RCC2: variants seen among roughly 807,000 people sequenced by gnomAD.
RCC2 encodes the protein protein RCC2.
RCC2 carries 19 observed loss-of-function variants against 64.1 expected under a neutral mutation model. That is an observed-to-expected ratio of 0.30 (90% CI 0.21 to 0.44). The LOEUF (loss-of-function observed/expected upper bound fraction) is 0.44, where lower values mean the gene tolerates loss of function less well. Ranked by LOEUF, RCC2 falls within the 20% of genes least tolerant of loss-of-function variation. The probability of loss-of-function intolerance (pLI) is 1.00; values close to 1 mark genes in which losing one functional copy is unlikely to be tolerated. For missense variants in RCC2, 508 were observed against 710.4 expected (o/e 0.72, Z 3.24); for synonymous variants, 325 against 279.6 (o/e 1.16, Z -1.62).
intron 2 of RCC2, among the ~76,000 whole-genome samples, chr1:17,430,067 G>A (rs2075659362): frequency 2.0e-5 from 3 of 152,226 alleles, no homozygotes; most frequent in Admixed American, 2.0e-4. Flanking sequence ...TTTCAAGTAG[G>A]TTGTTAGTGG....
intron 2 of RCC2, among the ~76,000 whole-genome samples, chr1:17,429,807 G>C (rs750678103): frequency 1.3e-5 from 2 of 152,194 alleles, no homozygotes; most frequent in African/African-American, 4.8e-5. Flanking sequence ...TCATGCCGCT[G>C]TCCATGAGCC....
At chr1:17,436,513 A>T (rs2075737116) in intron 2 of RCC2, among the ~76,000 whole-genome samples, 1 of 152,234 alleles carries the variant, frequency 6.6e-6, no homozygotes, top group African/African-American at 2.4e-5. Context: ...CCTCAAAAAA[A>T]AAAGACTAAC....
At chr1:17,412,237 A>G in intron 10 of RCC2, 43 bp from the exon 11 acceptor site, 2 of 1,584,948 alleles carry the variant, frequency 1.3e-6, no homozygotes, top group Non-Finnish European at 1.7e-6. Context: ...GCAGCCCCAG[A>G]CCTGCACCCA....
chr1:17,414,538 AAAAC>A (rs1232512668), intron 8 of RCC2, among the ~76,000 whole-genome samples: 172 of 150,044 alleles, frequency 1.1e-3, no homozygotes, highest in African/African-American at 4.0e-3. Context: ...TCAAAAAAAA[AAAAC>A]AAAACGAAAC....
intron 2 of RCC2, among the ~76,000 whole-genome samples, chr1:17,431,359 A>ATAAAAATATATATATATATAT (rs1265674393): frequency 0.033 from 1,464 of 44,922 alleles, 150 homozygotes; most frequent in African/African-American, 0.062. Flanking sequence ...AAAAAAAAAA[A>ATAAAAATATATATATATATAT]ATATATATAT....
intron 11 of RCC2, 57 bp from the exon 12 acceptor site, chr1:17,410,108 T>C (rs1198667598): frequency 1.4e-5 from 21 of 1,494,920 alleles, no homozygotes; most frequent in Non-Finnish European, 1.9e-5. Context: ...AGTCCACAAG[T>C]GGGGAATCAC....
In RCC2 at chr1:17,416,546, T is replaced by C; in HGVS notation, c.960A>G (p.Lys320=). The part of the protein sequence containing the change: ...RRVAIFIEKT[K]DGQILPVPNV... ...TTGGTACAGGCAGAATCTGTCCATC[T>C]TTCGTCTTCTCAATGAAGATGGCCA... Residue 320 remains lysine (K), a synonymous_variant, in exon 8 of 13, where the codon AAA becomes AAG. Transcript: ENST00000375436. 6.2e-6 allele frequency: 10 copies of C among 1,614,038 alleles called. No individual in the cohort carries two copies. Among genetic ancestry groups the C allele is most frequent in the Non-Finnish European group, 8.5e-6 (10 of 1,180,040 alleles).
At position 17,438,563 on chromosome 1, in the gene RCC2, T is replaced by C. The variant is rs749038725; in HGVS notation, c.-8-41A>G. 3.9e-6 allele frequency: 5 copies of C among 1,287,818 alleles called. No individual in the cohort carries two copies. In the South Asian group the frequency reaches 1.2e-4, roughly 31 times the overall value. 79.8% of individuals were successfully genotyped at this position (1,287,818 alleles called of 1,614,324 possible). On this transcript the variant is annotated intron_variant, in intron 1 of 12. Coordinates refer to ENST00000375436, the MANE Select transcript of RCC2 (RefSeq NM_018715.4). ...GGGCAGCGGCGCACAATGGACGGGT[T>C]ATAAACTGCGCGGGGGGAGGGGAGC...
At chr1:17,423,629 A>G (rs77647525) in intron 4 of RCC2, among the ~76,000 whole-genome samples, 1 of 152,320 alleles carries the variant, frequency 6.6e-6, no homozygotes, top group African/African-American at 2.4e-5. Flanking sequence ...GAGCCCCTAC[A>G]CCGCATCTAG....
chr1:17,437,996 C>T (rs2075757792), intron 2 of RCC2, among the ~76,000 whole-genome samples: 1 of 146,424 alleles, frequency 6.8e-6, no homozygotes, highest in Admixed American at 6.8e-5. Flanking sequence ...GCCCCAACCG[C>T]CAACCGCCCG....
intron 7 of RCC2, among the ~76,000 whole-genome samples, chr1:17,420,067 G>A (rs1159081113): frequency 2.0e-5 from 3 of 152,214 alleles, no homozygotes; most frequent in Admixed American, 1.3e-4. Context: ...CTCCCCAGAG[G>A]GGCTGGAGTG....
At chr1:17,424,863 T>C (rs1276818001) in intron 4 of RCC2, among the ~76,000 whole-genome samples, 1 of 152,040 alleles carries the variant, frequency 6.6e-6, no homozygotes, top group Non-Finnish European at 1.5e-5. Context: ...CGGGCAGGAA[T>C]GGGCCGGCCG....
intron 7 of RCC2, among the ~76,000 whole-genome samples, chr1:17,420,175 C>G (rs984962170): frequency 6.6e-6 from 1 of 152,292 alleles, no homozygotes; most frequent in Non-Finnish European, 1.5e-5. Flanking sequence ...ACACTCCCCC[C>G]ACTAACTGAG....
At position 17,408,733 on chromosome 1, in the gene RCC2, T is replaced by TA. The variant is rs1302272637; in HGVS notation, c.*356dup. 5.1e-6 allele frequency: 1 copy of TA among 194,640 alleles called. No homozygotes were observed. The highest frequency in any genetic ancestry group is 2.4e-5 in the African/African-American group (1 of 42,110). 12.1% of individuals were successfully genotyped at this position (194,640 alleles called of 1,614,324 possible). A position where few individuals can be genotyped will look rare whatever the true frequency, so the allele number is the denominator to read the frequency against. ...TCTGCTTGGATCACGATGCTAATTG[T>TA]AACTGGAAAGGGGTGTTTTGGGGAG... is the stretch of plus-strand genomic sequence containing the variant. On this transcript the variant is annotated 3_prime_UTR_variant, in exon 13 of 13. Coordinates refer to ENST00000375436, the MANE Select transcript of RCC2 (RefSeq NM_018715.4).
At chr1:17,429,745 C>A (rs976848830) in intron 2 of RCC2, among the ~76,000 whole-genome samples, 6 of 152,184 alleles carry the variant, frequency 3.9e-5, no homozygotes, top group African/African-American at 1.2e-4. Flanking sequence ...AGGCAGAACA[C>A]AGCTTTGGTG....
intron 7 of RCC2, 117 bp downstream of exon 7, chr1:17,420,597 C>CTAT: frequency 1.7e-6 from 1 of 585,924 alleles, no homozygotes; most frequent in Non-Finnish European, 2.9e-6. Context: ...CGGACAAAGG[C>CTAT]TATTATCTGA....
At chr1:17,419,640 A>C (rs1207476297) in intron 7 of RCC2, among the ~76,000 whole-genome samples, 1 of 152,236 alleles carries the variant, frequency 6.6e-6, no homozygotes, top group African/African-American at 2.4e-5. Flanking sequence ...GGTGCCTGGC[A>C]CACACAGTCA....
rs2075457343 is a variant in RCC2, at chr1:17,414,293, G to A, written c.1027-576C>T. Reference sequence around the variant, plus strand: ...GCCTGTAATCCTAGCACGTTGGGAGGCTGAGGCAGGTGGATTGCCTGAACT... The same window carrying A: ...GCCTGTAATCCTAGCACGTTGGGAGACTGAGGCAGGTGGATTGCCTGAACT... On this transcript the variant is annotated intron_variant, in intron 8 of 12. Transcript: ENST00000375436. Among the ~76,000 whole-genome samples the A allele has an allele frequency of 2.6e-5, 4 of 152,168 alleles. No individual in the cohort carries two copies. In the South Asian group the frequency reaches 8.3e-4, roughly 31 times the overall value.
rs142747997 is a variant in RCC2 at position 17,432,132 on chromosome 1, C to T, written c.286-2933G>A. Among the ~76,000 whole-genome samples the T allele has an allele frequency of 1.6e-4, 24 of 152,152 alleles. 1 individual carries two copies. The highest frequency in any genetic ancestry group is 8.3e-4 in the South Asian group (4 of 4,814). On this transcript the variant is annotated intron_variant, in intron 2 of 12. Transcript: ENST00000375436. Reference sequence around the variant, plus strand: ...TTGGGGGGAGGGAAGTGAAACAACACGGAAAGGGAGAACAACTTTGGTTCA... The same window carrying T: ...TTGGGGGGAGGGAAGTGAAACAACATGGAAAGGGAGAACAACTTTGGTTCA...
Sources: gnomAD v4.1 joint callset for allele counts (sites outside exome capture counted in the v4.1 genomes callset) on GRCh38, gnomAD v4.1.1 for gene constraint, MANE v1.5 for transcripts, NCBI Gene and HGNC (gene_info 2026-07-23, HGNC 2026-07-21) for gene names.